IFT57: variants seen among roughly 807,000 people sequenced by gnomAD.
The protein encoded by IFT57 is intraflagellar transport 57.
A neutral mutation model predicts 56.8 loss-of-function variants in IFT57; 59 were observed. The ratio of observed to expected loss-of-function variants is 1.04; its 90% CI spans 0.84 to 1.29. IFT57 has a LOEUF of 1.29. Ranked by LOEUF, IFT57 falls within the 50% of genes most tolerant of loss-of-function variation. IFT57 has a pLI of 0.00. For missense variants in IFT57, 470 were observed against 522.1 expected (o/e 0.90, Z 0.97); for synonymous variants, 209 against 186.1 (o/e 1.12, Z -1.00).
In IFT57 at chr3:108,187,599, G is replaced by C. The variant is rs182388374; in HGVS notation, c.777+3922C>G. 2.5e-3 allele frequency among the ~76,000 whole-genome samples: 374 copies of C among 151,468 alleles called. 4 individuals carry two copies. The highest frequency in any genetic ancestry group is 8.7e-3 in the African/African-American group (360 of 41,330). On this transcript the variant is annotated intron_variant, in intron 6 of 10. Coordinates refer to ENST00000264538, the MANE Select transcript of IFT57 (RefSeq NM_018010.4). ...TTTTCATGTAAGTTAAAAAAAAAAGGGGGGGAGTGTCTGAGCCTACTATGG... is the reference window on the plus strand; with the variant it reads ...TTTTCATGTAAGTTAAAAAAAAAAGCGGGGGAGTGTCTGAGCCTACTATGG...
chr3:108,222,323 C>A lies in IFT57; in HGVS notation c.-1G>T, dbSNP rs1353808312. ...TGACGACGGCCAGAGCAGCAGTCAT[C>A]GCAGAACGGACAGAGTCCAGCGTGG... On this transcript the variant is annotated 5_prime_UTR_variant, in exon 1 of 11. Coordinates refer to ENST00000264538, the MANE Select transcript of IFT57 (RefSeq NM_018010.4). The A allele has an allele frequency of 6.2e-7, 1 of 1,607,376 alleles. No individual in the cohort carries two copies. Among genetic ancestry groups the A allele is most frequent in the South Asian group, 1.1e-5 (1 of 90,082 alleles).
At chr3:108,217,538 T>C (rs1230800007) in intron 3 of IFT57, among the ~76,000 whole-genome samples, 1 of 151,988 alleles carries the variant, frequency 6.6e-6, no homozygotes, top group Non-Finnish European at 1.5e-5. Flanking sequence ...AGTTTAAAAA[T>C]AGATGAATAT....
intron 3 of IFT57, among the ~76,000 whole-genome samples, chr3:108,216,270 AAAC>A (rs1225848948): frequency 1.3e-5 from 2 of 152,230 alleles, no homozygotes; most frequent in African/African-American, 2.4e-5. Context: ...CTCAATAGCA[AAAC>A]AACAACAAAA....
At chr3:108,218,917 GA>G (rs1469566625) in intron 2 of IFT57, among the ~76,000 whole-genome samples, 4 of 152,082 alleles carry the variant, frequency 2.6e-5, no homozygotes, top group Non-Finnish European at 5.9e-5. Flanking sequence ...GATCTTATTA[GA>G]GTGAAAAGAA....
chr3:108,207,432 T>G (rs1374483139), intron 4 of IFT57, among the ~76,000 whole-genome samples: 2 of 152,134 alleles, frequency 1.3e-5, no homozygotes, highest in African/African-American at 4.8e-5. Context: ...TATGTCTTTG[T>G]GGTGACAAGT....
chr3:108,195,290 G>C (rs2080237669), intron 5 of IFT57, among the ~76,000 whole-genome samples: 1 of 152,078 alleles, frequency 6.6e-6, no homozygotes, highest in Admixed American at 6.6e-5. Flanking sequence ...TTTTACCTCA[G>C]TTAAAATGGT....
At chr3:108,167,617 G>A (rs1019291152) in intron 7 of IFT57, among the ~76,000 whole-genome samples, 176 bp downstream of exon 7, 5 of 150,484 alleles carry the variant, frequency 3.3e-5, no homozygotes, top group African/African-American at 4.9e-5. Flanking sequence ...TAATATGTAA[G>A]TTAGCTTTCT....
intron 1 of IFT57, among the ~76,000 whole-genome samples, 192 bp from the exon 2 acceptor site, chr3:108,219,764 A>C (rs1560131516): frequency 6.6e-6 from 1 of 152,192 alleles, no homozygotes; most frequent in Non-Finnish European, 1.5e-5. Flanking sequence ...TTAAATCAGC[A>C]GGATTAGGGC....
chr3:108,169,761 G>T (rs1201055876), intron 6 of IFT57, among the ~76,000 whole-genome samples: 2 of 151,876 alleles, frequency 1.3e-5, no homozygotes, highest in Non-Finnish European at 2.9e-5. Flanking sequence ...TAAAATACTG[G>T]CAAACCAAAT....
intron 6 of IFT57, among the ~76,000 whole-genome samples, chr3:108,172,109 T>A (rs2080096265): frequency 6.6e-6 from 1 of 151,898 alleles, no homozygotes; most frequent in Non-Finnish European, 1.5e-5. Context: ...GCCTGACTCA[T>A]TTAGGTATAA....
In IFT57 at chr3:108,163,737, G is replaced by T. The variant is rs2080046603; in HGVS notation, c.1045-8C>A. Reference sequence around the variant, plus strand: ...TTCTAATTCTTCCATAACCTTTCATGAAAACAAGTTTTCATGAGCATTACA... The same window carrying T: ...TTCTAATTCTTCCATAACCTTTCATTAAAACAAGTTTTCATGAGCATTACA... On this transcript the variant is annotated splice_polypyrimidine_tract_variant and splice_region_variant and intron_variant, in intron 9 of 10. Coordinates refer to ENST00000264538, the MANE Select transcript of IFT57 (RefSeq NM_018010.4). The T allele has an allele frequency of 1.9e-6, 3 of 1,581,552 alleles. No homozygotes were observed. The highest frequency in any genetic ancestry group is 1.7e-5 in the Admixed American group (1 of 59,542).
In IFT57 at chr3:108,167,880, A is replaced by G; in HGVS notation, c.778-16T>C. 2 of 1,545,904 alleles carry G rather than the reference A, an allele frequency of 1.3e-6. No individual in the cohort carries two copies. The highest frequency in any genetic ancestry group is 1.7e-6 in the Non-Finnish European group (2 of 1,144,184). Reference sequence around the variant, plus strand: ...TTCTCCAATCCTACAGGCATAGAGCACATAGAAATAATGTAAAAAATACTA... The same window carrying G: ...TTCTCCAATCCTACAGGCATAGAGCGCATAGAAATAATGTAAAAAATACTA... On this transcript the variant is annotated splice_polypyrimidine_tract_variant and intron_variant, in intron 6 of 10. Transcript: ENST00000264538.
chr3:108,193,042 A>G (rs189131750), intron 5 of IFT57, among the ~76,000 whole-genome samples: 161 of 152,336 alleles, frequency 1.1e-3, no homozygotes, highest in African/African-American at 3.4e-3. Context: ...CTAATTTTGT[A>G]TATGTTTGAA....
chr3:108,206,029 T>A (rs1440210120), intron 5 of IFT57, among the ~76,000 whole-genome samples: 61 of 121,656 alleles, frequency 5.0e-4, no homozygotes, highest in East Asian at 2.2e-3. Context: ...ATATATTGTA[T>A]ATTATTTATA....
chr3:108,178,275 A>G (rs1432953075), intron 6 of IFT57, among the ~76,000 whole-genome samples: 1 of 151,884 alleles, frequency 6.6e-6, no homozygotes, highest in East Asian at 1.9e-4. Context: ...AACCATACAC[A>G]AGAATCAAAC....
At chr3:108,191,463 C>T in intron 6 of IFT57, 58 bp downstream of exon 6, 2 of 1,334,248 alleles carry the variant, frequency 1.5e-6, no homozygotes, top group Non-Finnish European at 2.0e-6. Context: ...ACCCCTAACC[C>T]TGAAGTTTCC....
At chr3:108,198,431 CGTGTGT>C (rs1385821679) in intron 5 of IFT57, among the ~76,000 whole-genome samples, 2 of 151,882 alleles carry the variant, frequency 1.3e-5, no homozygotes, top group South Asian at 4.2e-4. Context: ...TTGGTGTGTG[CGTGTGT>C]GTGTCTTGTT....
At chr3:108,209,248 G>A (rs1324121354) in intron 4 of IFT57, among the ~76,000 whole-genome samples, 1 of 152,038 alleles carries the variant, frequency 6.6e-6, no homozygotes, top group Admixed American at 6.5e-5. Flanking sequence ...TTATATCACA[G>A]TATTTAAGTA....
At chr3:108,166,256 C>A (rs2080062372) in intron 8 of IFT57, among the ~76,000 whole-genome samples, 1 of 151,966 alleles carries the variant, frequency 6.6e-6, no homozygotes, top group Admixed American at 6.6e-5. Flanking sequence ...AAATAGGGGG[C>A]ACAAATCCCA....
Sources: gnomAD v4.1 joint callset for allele counts (sites outside exome capture counted in the v4.1 genomes callset) on GRCh38, gnomAD v4.1.1 for gene constraint, MANE v1.5 for transcripts, NCBI Gene and HGNC (gene_info 2026-07-23, HGNC 2026-07-21) for gene names.